The following CACNB4 variants were observed in gnomAD, a reference collection of about 807,000 sequenced individuals.
The protein encoded by CACNB4 is voltage-dependent L-type calcium channel subunit beta-4.
CACNB4 carries 32 observed loss-of-function variants against 71.2 expected under a neutral mutation model. That is an observed-to-expected ratio of 0.45 (90% CI 0.34 to 0.60). CACNB4 has a LOEUF of 0.60. Ranked by LOEUF, CACNB4 falls within the 20% of genes least tolerant of loss-of-function variation. CACNB4 has a pLI of 0.01. For synonymous variants in CACNB4, 231 were observed against 236.9 expected, an observed-to-expected ratio of 0.97 and a Z score of 0.23; for missense variants, 464 against 647.9, an observed-to-expected ratio of 0.72 and a Z score of 3.08.
intron 2 of CACNB4, among the ~76,000 whole-genome samples, chr2:152,056,499 G>A (rs990034880): frequency 2.6e-5 from 4 of 152,102 alleles, no homozygotes; most frequent in African/African-American, 7.2e-5. Context: ...TAAAACCACT[G>A]CACTACTAGA....
chr2:151,985,713 T>C (rs976792927), intron 2 of CACNB4, among the ~76,000 whole-genome samples: 3 of 151,416 alleles, frequency 2.0e-5, no homozygotes, highest in African/African-American at 7.3e-5. Context: ...AATGTGAGTA[T>C]ATATAATGCT....
At chr2:152,045,716 G>T (rs1180563709) in intron 2 of CACNB4, among the ~76,000 whole-genome samples, 7 of 152,096 alleles carry the variant, frequency 4.6e-5, no homozygotes, top group African/African-American at 1.7e-4. Context: ...ACCTCCAAGA[G>T]CACAGACTGG....
chr2:152,009,991 A>G (rs1176939390), intron 2 of CACNB4, among the ~76,000 whole-genome samples: 4 of 152,248 alleles, frequency 2.6e-5, no homozygotes, highest in Non-Finnish European at 5.9e-5. Context: ...CATTTAAGTT[A>G]TATCTGTTCT....
At chr2:151,983,218 C>T (rs985026355) in intron 2 of CACNB4, among the ~76,000 whole-genome samples, 7 of 152,222 alleles carry the variant, frequency 4.6e-5, no homozygotes, top group South Asian at 2.1e-4. Flanking sequence ...AAAGAAAAAT[C>T]TTCAACTCTA....
intron 2 of CACNB4, among the ~76,000 whole-genome samples, chr2:152,088,730 C>G (rs540661201): frequency 6.6e-6 from 1 of 152,190 alleles, no homozygotes; most frequent in African/African-American, 2.4e-5. Context: ...GCTTTCAGAT[C>G]GTGAATGCCA....
intron 2 of CACNB4, among the ~76,000 whole-genome samples, chr2:151,974,899 G>A (rs2099873506): frequency 1.3e-5 from 2 of 151,972 alleles, no homozygotes; most frequent in Non-Finnish European, 1.5e-5. Flanking sequence ...AATTCAGGAG[G>A]ACAAAGAAGC....
Position 152,098,748 on chromosome 2 carries a change from GGA to G in CACNB4, c.63+199_63+200del. On this transcript the variant is annotated intron_variant, in intron 1 of 13. Transcript: ENST00000539935. This position sits in a 1 kb window ranked among gnomAD's most constrained non-coding sequence, Gnocchi z 5.3. ...AGCGCAGAGACCCGAAGGAGGGTGA[GGA>G]GGAGGAGGAAGAGAAGGAGGAGAAA... is the stretch of plus-strand genomic sequence containing the variant. 1 of 1,428,132 alleles carries G rather than the reference GGA, an allele frequency of 7.0e-7. No individual in the cohort carries two copies. The highest frequency in any genetic ancestry group is 9.5e-7 in the Non-Finnish European group (1 of 1,049,246). 88.5% of individuals were successfully genotyped at this position (1,428,132 alleles called of 1,614,324 possible).
At chr2:152,096,887 C>A (rs1688300277) in intron 2 of CACNB4, among the ~76,000 whole-genome samples, 1 of 152,180 alleles carries the variant, frequency 6.6e-6, no homozygotes, top group South Asian at 2.1e-4. Context: ...GAAAGAACTG[C>A]TGTGTAATTA....
intron 2 of CACNB4, among the ~76,000 whole-genome samples, chr2:152,032,784 A>T (rs927236782): frequency 1.3e-5 from 2 of 148,326 alleles, no homozygotes; most frequent in African/African-American, 5.0e-5. Context: ...GAGACCCCCC[A>T]TCTCTACAAA....
chr2:151,916,856 A>C (rs956965955), intron 2 of CACNB4, among the ~76,000 whole-genome samples: 2 of 152,198 alleles, frequency 1.3e-5, no homozygotes, highest in African/African-American at 4.8e-5. Flanking sequence ...GTTGGTACTG[A>C]CATCTGGTGG....
chr2:152,028,498 A>T (rs1451781491), intron 2 of CACNB4, among the ~76,000 whole-genome samples: 1 of 152,132 alleles, frequency 6.6e-6, no homozygotes, highest in East Asian at 1.9e-4. Context: ...TCAATACTTA[A>T]CCTATATGAT....
intron 2 of CACNB4, among the ~76,000 whole-genome samples, chr2:152,097,590 C>T (rs529455560): frequency 6.6e-6 from 1 of 152,292 alleles, no homozygotes; most frequent in African/African-American, 2.4e-5. Flanking sequence ...ATTTCCTGTG[C>T]CAAGGTGAAA....
intron 2 of CACNB4, among the ~76,000 whole-genome samples, chr2:152,016,092 T>G (rs1314258453): frequency 1.3e-5 from 2 of 152,194 alleles, no homozygotes; most frequent in African/African-American, 4.8e-5. Flanking sequence ...ATTAGAAAAG[T>G]AAAAACTATA....
chr2:152,092,674 C>G (rs540398113), intron 2 of CACNB4, among the ~76,000 whole-genome samples: 1 of 152,094 alleles, frequency 6.6e-6, no homozygotes, highest in East Asian at 1.9e-4. Flanking sequence ...CATATCATTA[C>G]ACGCAGGGTG....
chr2:152,043,666 G>A (rs533553157), intron 2 of CACNB4, among the ~76,000 whole-genome samples: 3 of 151,828 alleles, frequency 2.0e-5, no homozygotes, highest in African/African-American at 7.3e-5. Context: ...CTATGTGCGT[G>A]TATACACGTA....
intron 11 of CACNB4, chr2:151,854,049 T>C (rs1461646566): frequency 6.5e-6 from 1 of 154,214 alleles, no homozygotes; most frequent in Non-Finnish European, 1.4e-5. Flanking sequence ...TATTAGTATA[T>C]TGCTACATGT....
At chr2:151,900,722 A>T (rs1191078458) in intron 2 of CACNB4, among the ~76,000 whole-genome samples, 1 of 152,118 alleles carries the variant, frequency 6.6e-6, no homozygotes, top group Admixed American at 6.5e-5. Flanking sequence ...AAAGTGTGAA[A>T]AACTGCAGTC....
At chr2:151,947,501 C>T (rs986075422) in intron 2 of CACNB4, among the ~76,000 whole-genome samples, 4 of 152,130 alleles carry the variant, frequency 2.6e-5, no homozygotes, top group African/African-American at 7.2e-5. Flanking sequence ...CTTTAAGAGT[C>T]GCTGCTATAA....
intron 2 of CACNB4, among the ~76,000 whole-genome samples, chr2:151,945,877 A>T (rs1305209402): frequency 5.9e-4 from 4 of 6,754 alleles, no homozygotes; most frequent in Non-Finnish European, 3.5e-3. Flanking sequence ...CCTGTCTTTA[A>T]AAAAAAAAAA....
Sources: gnomAD v4.1 joint callset for allele counts (sites outside exome capture counted in the v4.1 genomes callset) on GRCh38, gnomAD v4.1.1 for gene constraint, Gnocchi (gnomAD v3.1) non-coding constraint, MANE v1.5 for transcripts, NCBI Gene and HGNC (gene_info 2026-07-23, HGNC 2026-07-21) for gene names.